Variants in SPDL1 observed in about 807,000 individuals in gnomAD.
SPDL1 encodes the protein protein Spindly.
In SPDL1, 85 loss-of-function variants were observed where a neutral mutation model predicts 79.5. That is an observed-to-expected ratio of 1.07 (90% CI 0.90 to 1.28). SPDL1 has a LOEUF of 1.28. Ranked by LOEUF, SPDL1 falls within the 50% of genes most tolerant of loss-of-function variation. The probability of loss-of-function intolerance (pLI) is 0.00; values close to 1 mark genes in which losing one functional copy is unlikely to be tolerated. For missense variants in SPDL1, 703 were observed against 697.8 expected, an observed-to-expected ratio of 1.01 and a Z score of -0.08; for synonymous variants, 269 against 240.3, an observed-to-expected ratio of 1.12 and a Z score of -1.10.
chr5:169,588,734 A>G, intron 2 of SPDL1, 159 bp downstream of exon 2: 1 of 532,218 alleles, frequency 1.9e-6, no homozygotes, highest in Non-Finnish European at 3.2e-6. Context: ...AACTAAATGA[A>G]TTCCTGTTAT....
At chr5:169,591,668 C>T (rs1323755347) in intron 3 of SPDL1, among the ~76,000 whole-genome samples, 1 of 152,210 alleles carries the variant, frequency 6.6e-6, no homozygotes, top group African/African-American at 2.4e-5. Context: ...AATACATGTG[C>T]TCCAGTTCTT....
chr5:169,599,391 C>T (rs952920698), intron 10 of SPDL1, among the ~76,000 whole-genome samples: 3 of 152,136 alleles, frequency 2.0e-5, no homozygotes, highest in Non-Finnish European at 4.4e-5. Context: ...CTAATTTCAT[C>T]ATACTGTATA....
rs748352135 is a variant in SPDL1, at chr5:169,588,385, T to G, written c.-23-9T>G. On this transcript the variant is annotated splice_polypyrimidine_tract_variant and intron_variant, in intron 1 of 11. Transcript: ENST00000265295. Reference sequence around the variant, plus strand: ...TAAGCTTAAGTAGTTTTATTTCCTCTATTTACAGTTGGCTAAAAAAAAGAA... The same window carrying G: ...TAAGCTTAAGTAGTTTTATTTCCTCGATTTACAGTTGGCTAAAAAAAAGAA... 1.9e-6 allele frequency: 3 copies of G among 1,568,662 alleles called. No homozygotes were observed. In the African/African-American group the frequency reaches 4.1e-5, roughly 22 times the overall value.
At position 169,583,791 on chromosome 5, in the gene SPDL1, C is replaced by T. The variant is rs17558310; in HGVS notation, c.-122C>T. 0.053 allele frequency: 8,065 copies of T among 152,344 alleles called. 250 individuals carry two copies. The highest frequency in any genetic ancestry group is 0.058 in the Non-Finnish European group (3,951 of 68,048). The allele number at this position is 152,344 out of a possible 1,614,324, so 9.4% of individuals were successfully genotyped here. ...GGCGCTTACTCGAGAGCTAGCTGAGCGAATGGGCCGGCGACTGTGGAGTTA... is the reference window on the plus strand; with the variant it reads ...GGCGCTTACTCGAGAGCTAGCTGAGTGAATGGGCCGGCGACTGTGGAGTTA... On this transcript the variant is annotated 5_prime_UTR_variant, in exon 1 of 12. Coordinates refer to ENST00000265295, the MANE Select transcript of SPDL1 (RefSeq NM_017785.5).
chr5:169,592,214 C>T (rs112363481), intron 3 of SPDL1, among the ~76,000 whole-genome samples: 86 of 97,002 alleles, frequency 8.9e-4, no homozygotes, highest in East Asian at 2.2e-3. Flanking sequence ...TTTTTTTTTC[C>T]TTTTTTTTTT....
intron 1 of SPDL1, chr5:169,584,237 G>T (rs935872948): frequency 6.6e-6 from 1 of 152,136 alleles, no homozygotes; most frequent in Non-Finnish European, 1.5e-5. Flanking sequence ...CAGAGATAGC[G>T]CATAAGGAGT....
intron 8 of SPDL1, among the ~76,000 whole-genome samples, chr5:169,598,146 A>G (rs2113375339): frequency 6.6e-6 from 1 of 152,308 alleles, no homozygotes; most frequent in East Asian, 1.9e-4. Flanking sequence ...AATTTAATCC[A>G]GCAGGCATTT....
At chr5:169,599,926 GA>G (rs2113383826) in intron 10 of SPDL1, among the ~76,000 whole-genome samples, 1 of 152,278 alleles carries the variant, frequency 6.6e-6, no homozygotes, top group African/African-American at 2.4e-5. Context: ...AAATGGGGGG[GA>G]AAGGAAAGAA....
At chr5:169,603,942 A>G in intron 11 of SPDL1, 118 bp from the exon 12 acceptor site, 1 of 1,090,512 alleles carries the variant, frequency 9.2e-7, no homozygotes, top group East Asian at 2.5e-5. Context: ...ATTAGAGTCA[A>G]CTATATTTTT....
chr5:169,592,450 C>T (rs1440959165), intron 3 of SPDL1, among the ~76,000 whole-genome samples: 3 of 152,080 alleles, frequency 2.0e-5, no homozygotes, highest in East Asian at 1.9e-4. Context: ...CTCCTGACCT[C>T]GTGATCCGCC....
Position 169,591,047 on chromosome 5 carries a change from G to C in SPDL1, c.160-1G>C. ...TGAATTGTAATTGAATCTGTTTTCA[G>C]AGTTATGAACAAGAAAAATATACCC... On this transcript the variant is annotated splice_acceptor_variant, in intron 2 of 11. Transcript: ENST00000265295. LOFTEE classifies it high-confidence loss of function. 1 of 1,608,634 alleles carries C rather than the reference G, an allele frequency of 6.2e-7. No individual in the cohort carries two copies. The highest frequency in any genetic ancestry group is 8.5e-7 in the Non-Finnish European group (1 of 1,177,662).
At chr5:169,589,747 G>T (rs1274671244) in intron 2 of SPDL1, among the ~76,000 whole-genome samples, 2 of 151,008 alleles carry the variant, frequency 1.3e-5, no homozygotes, top group Non-Finnish European at 2.9e-5. Flanking sequence ...TGTCGCCCAG[G>T]CTGGAGTGCA....
chr5:169,584,864 G>T (rs913220765), intron 1 of SPDL1, among the ~76,000 whole-genome samples: 1 of 152,150 alleles, frequency 6.6e-6, no homozygotes, highest in Non-Finnish European at 1.5e-5. Context: ...GTATAAAGCG[G>T]CCGGGTGCGG....
chr5:169,593,011 A>C (rs980070850), intron 3 of SPDL1, among the ~76,000 whole-genome samples: 1 of 152,146 alleles, frequency 6.6e-6, no homozygotes, highest in African/African-American at 2.4e-5. Context: ...CCAGACCTTC[A>C]TCATCTCTTT....
chr5:169,598,981 T>C lies in SPDL1; in HGVS notation c.1146T>C (p.Ile382=), dbSNP rs1755741273. The C allele has an allele frequency of 6.5e-7, 1 of 1,536,766 alleles. No homozygotes were observed. The highest frequency in any genetic ancestry group is 8.8e-7 in the Non-Finnish European group (1 of 1,140,266). Residue 382 remains isoleucine (I), a synonymous_variant, in exon 10 of 12, where the codon ATT becomes ATC. Transcript: ENST00000265295. ...TTTTTTATTATCATAGCAAAGAAAT[T>C]GAAAGCACTAAAGGTGAATTGTCCA... The part of the protein sequence containing the change: ...QMKLDNLNKE[I]ESTKGELSIQ...
intron 11 of SPDL1, chr5:169,602,150 A>T: frequency 5.8e-6 from 1 of 172,268 alleles, no homozygotes; most frequent in Non-Finnish European, 1.2e-5. Context: ...CAAAACTTGA[A>T]AGCCTCTAGT....
At chr5:169,599,745 C>A (rs1755786499) in intron 10 of SPDL1, among the ~76,000 whole-genome samples, 1 of 152,088 alleles carries the variant, frequency 6.6e-6, no homozygotes, top group Admixed American at 6.6e-5. Context: ...TTCTCAGGGG[C>A]CATGTTCCTA....
intron 2 of SPDL1, 61 bp from the exon 3 acceptor site, chr5:169,590,987 T>C: frequency 1.5e-6 from 2 of 1,346,838 alleles, no homozygotes; most frequent in Non-Finnish European, 2.1e-6. Flanking sequence ...TGAAAACTGA[T>C]TGTATGTAAT....
rs11415643 is a variant in SPDL1, at chr5:169,585,016, C to CAAAAA, written c.-24+1137_-24+1141dup. Among the ~76,000 whole-genome samples, 219 of 138,284 alleles carry CAAAAA rather than the reference C, an allele frequency of 1.6e-3. 1 individual carries two copies. Among genetic ancestry groups the CAAAAA allele is most frequent in the African/African-American group, 5.7e-3 (210 of 36,854 alleles). The allele number at this position is 138,284 out of a possible 152,430, so 90.7% of individuals were successfully genotyped here. A position where few individuals can be genotyped will look rare whatever the true frequency, so the allele number is the denominator to read the frequency against. ...TGGGCGACAGAGCGAGACTCCGTCT[C>CAAAAA]AAAAAAAAAAAAAAGAATGTGTATA... On this transcript the variant is annotated intron_variant, in intron 1 of 11. Transcript: ENST00000265295.
Sources: gnomAD v4.1 joint callset for allele counts (sites outside exome capture counted in the v4.1 genomes callset) on GRCh38, gnomAD v4.1.1 for gene constraint, MANE v1.5 for transcripts, NCBI Gene and HGNC (gene_info 2026-07-23, HGNC 2026-07-21) for gene names.